The following GPD2 variants were observed in gnomAD, a reference collection of about 807,000 sequenced individuals.
The protein encoded by GPD2 is glycerol-3-phosphate dehydrogenase 2, also known as glycerol-3-phosphate dehydrogenase, mitochondrial.
GPD2 carries 54 observed loss-of-function variants against 82.4 expected under a neutral mutation model. The observed-to-expected ratio is 0.66, with a 90% confidence interval of 0.53 to 0.82. The LOEUF is 0.82. Ranked by LOEUF, GPD2 falls within the 40% of genes least tolerant of loss-of-function variation. GPD2 has a pLI of 0.00. For missense variants in GPD2, 748 were observed against 896.2 expected, an observed-to-expected ratio of 0.83 and a Z score of 2.11; for synonymous variants, 288 against 306.1, an observed-to-expected ratio of 0.94 and a Z score of 0.62.
At chr2:156,571,040 G>A in intron 12 of GPD2, 94 bp from the exon 13 acceptor site, 1 of 877,202 alleles carries the variant, frequency 1.1e-6, no homozygotes, top group South Asian at 1.3e-5. Flanking sequence ...TATTACCTTT[G>A]TGAAGCACAC....
At chr2:156,561,983 T>G (rs1164416976) in intron 9 of GPD2, among the ~76,000 whole-genome samples, 12 of 152,224 alleles carry the variant, frequency 7.9e-5, no homozygotes, top group Admixed American at 7.9e-4. Context: ...TTGTTTGTTC[T>G]TTTCTGAAAT....
intron 1 of GPD2, among the ~76,000 whole-genome samples, chr2:156,461,641 A>C (rs960860655): frequency 6.6e-6 from 1 of 152,146 alleles, no homozygotes; most frequent in South Asian, 2.1e-4. Context: ...TGGCCTCCCC[A>C]AGTGCTGGGA....
intron 3 of GPD2, among the ~76,000 whole-genome samples, chr2:156,503,936 A>G (rs1015393233): frequency 2.0e-5 from 3 of 152,150 alleles, no homozygotes; most frequent in African/African-American, 7.2e-5. Flanking sequence ...ATAAAACGCA[A>G]CAGCAGCAAC....
At position 156,579,112 on chromosome 2, in the gene GPD2, A is replaced by G. The variant is rs1277940106; in HGVS notation, c.1907A>G (p.Asp636Gly). The G allele has an allele frequency of 9.3e-6, 15 of 1,609,422 alleles. No homozygotes were observed. The highest frequency in any genetic ancestry group is 1.2e-5 in the Non-Finnish European group (14 of 1,176,066). ...TATAAGAAGAGATTTCATAAGTTTG[A>G]TGCAGACCAGAAAGGCTTTATTACC... The part of the protein sequence containing the change: ...DRYKKRFHKF[D>G]ADQKGFITIV... Residue 636 changes from aspartate (D) to glycine (G), a missense_variant, in exon 15 of 17, where the codon GAT (aspartate) becomes GGT (glycine). Around this residue, in one of 3 missense-constraint regions of GPD2, gnomAD observed 692 missense variants for 809.7 expected, o/e 0.85. Coordinates refer to ENST00000438166, the MANE Select transcript of GPD2 (RefSeq NM_000408.5).
At chr2:156,515,264 C>T (rs552584740) in intron 6 of GPD2, among the ~76,000 whole-genome samples, 23 of 151,714 alleles carry the variant, frequency 1.5e-4, no homozygotes, top group African/African-American at 3.1e-4. Flanking sequence ...TAGCCAGGTG[C>T]GGTGGCATGC....
At chr2:156,522,948 AT>A (rs34969077) in intron 6 of GPD2, among the ~76,000 whole-genome samples, 54,715 of 151,530 alleles carry the variant, frequency 0.36, 10,810 homozygotes, top group Non-Finnish European at 0.47. Context: ...TTTTAGAGAA[AT>A]TTTAGGTTCA....
intron 6 of GPD2, among the ~76,000 whole-genome samples, chr2:156,531,145 A>G (rs1320735266): frequency 1.3e-5 from 2 of 152,168 alleles, no homozygotes; most frequent in Non-Finnish European, 2.9e-5. Flanking sequence ...AATTTGCTAC[A>G]TTTGCTGTTT....
At chr2:156,549,805 T>C (rs1431876290) in intron 7 of GPD2, 33 bp downstream of exon 7, 1 of 1,506,620 alleles carries the variant, frequency 6.6e-7, no homozygotes, top group East Asian at 2.3e-5. Flanking sequence ...AGGTATTTCT[T>C]AGTATCTTGC....
chr2:156,408,202 A>T, the GPD2 span, among the ~76,000 whole-genome samples: 1 of 151,884 alleles, frequency 6.6e-6, no homozygotes, highest in Non-Finnish European at 1.5e-5. Context: ...TAATCTGCCC[A>T]CCTTGGCCTC....
At chr2:156,491,330 T>G (rs1684167541) in intron 2 of GPD2, among the ~76,000 whole-genome samples, 1 of 152,218 alleles carries the variant, frequency 6.6e-6, no homozygotes, top group Non-Finnish European at 1.5e-5. Context: ...ACTATTCAGC[T>G]CTGCTATTAT....
At chr2:156,439,791 G>A (rs1682099523) in intron 1 of GPD2, among the ~76,000 whole-genome samples, 1 of 151,770 alleles carries the variant, frequency 6.6e-6, no homozygotes, top group African/African-American at 2.4e-5. Flanking sequence ...AGGTTGCAGT[G>A]AGTCAAGATT....
At chr2:156,464,896 G>C (rs1683098240) in intron 1 of GPD2, among the ~76,000 whole-genome samples, 1 of 151,872 alleles carries the variant, frequency 6.6e-6, no homozygotes, top group South Asian at 2.1e-4. Flanking sequence ...TGTTGCCCAG[G>C]CTGGTGTGCA....
At chr2:156,536,274 C>G (rs1686076257) in intron 6 of GPD2, among the ~76,000 whole-genome samples, 1 of 152,128 alleles carries the variant, frequency 6.6e-6, no homozygotes, top group Non-Finnish European at 1.5e-5. Flanking sequence ...GATTAATATG[C>G]TGTATTTTAA....
At position 156,467,698 on chromosome 2, in the gene GPD2, G is replaced by A. The variant is rs540025412; in HGVS notation, c.-8-8400G>A. 3.4e-3 allele frequency among the ~76,000 whole-genome samples: 516 copies of A among 152,328 alleles called. 11 individuals are homozygous for A. The highest frequency in any genetic ancestry group is 0.012 in the African/African-American group (496 of 41,570). On this transcript the variant is annotated intron_variant, in intron 1 of 16. Coordinates refer to ENST00000438166, the MANE Select transcript of GPD2 (RefSeq NM_000408.5). ...AACCCTTGGGTCAATTTCCTGTCCA[G>A]TCTTGGCCTAAATCCTTTTTAAAAG...
intron 1 of GPD2, among the ~76,000 whole-genome samples, chr2:156,471,327 C>T (rs779502158): frequency 3.5e-4 from 54 of 152,296 alleles, no homozygotes; most frequent in Non-Finnish European, 7.1e-4. Flanking sequence ...TCTCTGTCTT[C>T]GTAAGCTTCA....
intron 11 of GPD2, 125 bp from the exon 12 acceptor site, chr2:156,569,962 C>T (rs1438786328): frequency 4.9e-6 from 4 of 823,146 alleles, no homozygotes; most frequent in African/African-American, 3.4e-5. Context: ...AAATATAATA[C>T]TCTCCGAGAG....
intron 13 of GPD2, among the ~76,000 whole-genome samples, chr2:156,574,944 A>G (rs942011227): frequency 9.9e-5 from 15 of 152,202 alleles, no homozygotes; most frequent in Non-Finnish European, 1.5e-4. Context: ...TTTACTACCA[A>G]TGTCTTTTTC....
At chr2:156,523,719 T>TA (rs951800526) in intron 6 of GPD2, among the ~76,000 whole-genome samples, 2 of 151,600 alleles carry the variant, frequency 1.3e-5, no homozygotes, top group African/African-American at 4.9e-5. Context: ...GATAGATAGA[T>TA]ATTTTATGGA....
intron 8 of GPD2, among the ~76,000 whole-genome samples, chr2:156,552,772 AAG>A (rs1428699468): frequency 6.6e-6 from 1 of 152,262 alleles, no homozygotes; most frequent in East Asian, 1.9e-4. Flanking sequence ...TTTAGAGACA[AAG>A]AGATTGTTCG....
Sources: gnomAD v4.1 joint callset for allele counts (sites outside exome capture counted in the v4.1 genomes callset) on GRCh38, gnomAD v4.1.1 for gene constraint, gnomAD v4.1.1 regional missense constraint, MANE v1.5 for transcripts, NCBI Gene and HGNC (gene_info 2026-07-23, HGNC 2026-07-21) for gene names.